The following PLCH1 variants were observed in gnomAD, a reference collection of about 807,000 sequenced individuals.
PLCH1 encodes 1-phosphatidylinositol 4,5-bisphosphate phosphodiesterase eta-1.
PLCH1 carries 60 observed loss-of-function variants against 126.7 expected under a neutral mutation model. That is an observed-to-expected ratio of 0.47 (90% CI 0.38 to 0.59). The LOEUF is 0.59. PLCH1 is among the 20% of genes least tolerant of loss of function. The probability of loss-of-function intolerance (pLI) is 0.00; values close to 1 mark genes in which losing one functional copy is unlikely to be tolerated. For missense variants in PLCH1, 1,723 were observed against 2,040.0 expected (o/e 0.84, Z 2.99); for synonymous variants, 719 against 734.9 (o/e 0.98, Z 0.35).
chr3:155,563,663 C>T (rs1727928947), intron 8 of PLCH1, among the ~76,000 whole-genome samples: 1 of 151,866 alleles, frequency 6.6e-6, no homozygotes, highest in Non-Finnish European at 1.5e-5. Context: ...TAAAATTATC[C>T]TTTCACACTG....
intron 2 of PLCH1, among the ~76,000 whole-genome samples, chr3:155,695,545 A>C (rs750124130): frequency 2.0e-5 from 3 of 152,382 alleles, no homozygotes; most frequent in Admixed American, 2.0e-4. Flanking sequence ...TTCATTCAGC[A>C]ATATTTTATT....
At chr3:155,666,048 A>G (rs1742688380) in intron 2 of PLCH1, among the ~76,000 whole-genome samples, 1 of 152,212 alleles carries the variant, frequency 6.6e-6, no homozygotes, top group Admixed American at 6.5e-5. Flanking sequence ...TCATTTTTTA[A>G]AATCAATTGT....
intron 2 of PLCH1, among the ~76,000 whole-genome samples, chr3:155,678,324 C>T (rs953564919): frequency 1.4e-4 from 21 of 152,166 alleles, no homozygotes; most frequent in Admixed American, 7.9e-4. Flanking sequence ...TCTGGGGCAC[C>T]GTTGAGGGCC....
chr3:155,645,638 G>A (rs1739939319), intron 2 of PLCH1, among the ~76,000 whole-genome samples: 1 of 151,924 alleles, frequency 6.6e-6, no homozygotes, highest in Admixed American at 6.6e-5. Flanking sequence ...ATGCCACCAT[G>A]CCCAGCTTTT....
chr3:155,485,922 A>T lies in PLCH1; in HGVS notation c.2620-212T>A, dbSNP rs114360585. ...TACTTTGCAAGGACTTCAGCCTTCC[A>T]TTCTTACATCAAGCTTTCCCAGAAG... On this transcript the variant is annotated intron_variant, in intron 21 of 22. Transcript: ENST00000460012. 3.2e-3 allele frequency: 1,909 copies of T among 601,250 alleles called. 26 individuals carry two copies. The African/African-American group carries it at 0.032, about 10-fold the overall frequency. 37.2% of individuals were successfully genotyped at this position (601,250 alleles called of 1,614,324 possible).
Position 155,482,193 on chromosome 3 carries a change from T to C in PLCH1, c.3833A>G (p.Lys1278Arg), listed in dbSNP as rs778616938. 1 of 1,614,152 alleles carries C rather than the reference T, an allele frequency of 6.2e-7. No individual in the cohort carries two copies. Among genetic ancestry groups the C allele is most frequent in the African/African-American group, 1.3e-5 (1 of 75,024 alleles). ...ETTCTPISKT[K>R]PDDDLSSKAK... Reference sequence around the variant, plus strand: ...CTTACTAGAAAGGTCATCATCTGGTTTGGTTTTAGAGATGGGAGTGCAGGT... The same window carrying C: ...CTTACTAGAAAGGTCATCATCTGGTCTGGTTTTAGAGATGGGAGTGCAGGT... The change falls in exon 23 of 23, where the codon AAA becomes AGA. Residue 1278 changes from lysine (K) to arginine (R), a missense_variant. Physicochemically the swap from Lys to Arg is conservative, Grantham distance 26. Transcript: ENST00000460012.
At chr3:155,732,413 G>A (rs925773856) in intron 1 of PLCH1, among the ~76,000 whole-genome samples, 2 of 151,792 alleles carry the variant, frequency 1.3e-5, no homozygotes, top group East Asian at 1.9e-4. Context: ...GAGGCCGGGT[G>A]CAGTGGCTCA....
At chr3:155,627,808 C>T (rs1297830913) in intron 2 of PLCH1, among the ~76,000 whole-genome samples, 2 of 150,626 alleles carry the variant, frequency 1.3e-5, no homozygotes, top group Non-Finnish European at 3.0e-5. Flanking sequence ...CACTCCATCG[C>T]CCAGGCTGGA....
intron 21 of PLCH1, among the ~76,000 whole-genome samples, chr3:155,468,581 C>A (rs1170857762): frequency 2.6e-5 from 4 of 152,078 alleles, no homozygotes; most frequent in African/African-American, 9.7e-5. Context: ...CAAAAAAGAG[C>A]AGGAGTCACT....
chr3:155,638,286 AC>A (rs1738971621), intron 2 of PLCH1, among the ~76,000 whole-genome samples: 1 of 152,006 alleles, frequency 6.6e-6, no homozygotes, highest in African/African-American at 2.4e-5. Flanking sequence ...ACCCACTATC[AC>A]CCCAATAAAT....
At chr3:155,619,634 G>C (rs1292523702) in intron 2 of PLCH1, among the ~76,000 whole-genome samples, 2 of 151,868 alleles carry the variant, frequency 1.3e-5, no homozygotes, top group African/African-American at 4.8e-5. Flanking sequence ...AATGGAAGAA[G>C]AGATCACATT....
rs138179219 is a variant in PLCH1 at position 155,555,445 on chromosome 3, C to T, written c.1070-1249G>A. On this transcript the variant is annotated intron_variant, in intron 8 of 22. Coordinates refer to ENST00000460012, the MANE Select transcript of PLCH1 (RefSeq NM_014996.4). The stretch of plus-strand genomic sequence containing the variant: ...TTTAGAAGTGGTGAAGATGGCACAG[C>T]CACAAGATGGAAAAAGACAAAACTG... Among the ~76,000 whole-genome samples the T allele has an allele frequency of 3.0e-3, 463 of 152,258 alleles. 2 individuals carry two copies. Among genetic ancestry groups the T allele is most frequent in the South Asian group, 0.02 (98 of 4,824 alleles).
chr3:155,529,723 T>C (rs997977190), intron 10 of PLCH1, among the ~76,000 whole-genome samples: 9 of 151,918 alleles, frequency 5.9e-5, no homozygotes, highest in Non-Finnish European at 1.3e-4. Flanking sequence ...AGGGTGGTGG[T>C]TGCTGAAGGT....
intron 2 of PLCH1, among the ~76,000 whole-genome samples, chr3:155,651,567 A>C (rs887860398): frequency 3.9e-5 from 6 of 152,202 alleles, no homozygotes; most frequent in Admixed American, 3.9e-4. Flanking sequence ...GGCATAGATT[A>C]ATATTACAAT....
At chr3:155,618,313 A>T (rs1385496100) in intron 2 of PLCH1, among the ~76,000 whole-genome samples, 1 of 152,200 alleles carries the variant, frequency 6.6e-6, no homozygotes, top group Non-Finnish European at 1.5e-5. Context: ...TTTTCAAAAT[A>T]TCACCCATTT....
chr3:155,723,654 A>C (rs2109144969), intron 1 of PLCH1, among the ~76,000 whole-genome samples: 1 of 152,192 alleles, frequency 6.6e-6, no homozygotes, highest in South Asian at 2.1e-4. Flanking sequence ...AGTTCAAATA[A>C]TTTTTTAATT....
chr3:155,694,272 C>G (rs971939036), intron 2 of PLCH1, among the ~76,000 whole-genome samples: 2 of 152,134 alleles, frequency 1.3e-5, no homozygotes, highest in Non-Finnish European at 2.9e-5. Context: ...CCTGGCCACA[C>G]CCCAGACCAA....
chr3:155,499,392 T>C (rs1717556258), intron 14 of PLCH1, among the ~76,000 whole-genome samples: 1 of 152,218 alleles, frequency 6.6e-6, no homozygotes, highest in Non-Finnish European at 1.5e-5. Context: ...GAAAATCTGA[T>C]TTTGTGAAGG....
At chr3:155,477,636 T>C (rs1713599058), downstream of PLCH1, among the ~76,000 whole-genome samples, 1 of 152,090 alleles carries the variant, frequency 6.6e-6, no homozygotes, top group Admixed American at 6.5e-5. Context: ...AAAACAGGCA[T>C]ATGAAAAGGT....
Sources: allele counts gnomAD v4.1 joint callset (sites outside exome capture counted in the v4.1 genomes callset), GRCh38; gene constraint gnomAD v4.1.1; transcripts MANE v1.5; gene names NCBI Gene and HGNC (gene_info 2026-07-23, HGNC 2026-07-21).